The following HERC2 variants were observed in gnomAD, a reference collection of about 807,000 sequenced individuals.
HERC2 encodes the protein E3 ubiquitin-protein ligase HERC2.
A neutral mutation model predicts 537.7 loss-of-function variants in HERC2; 102 were observed. The ratio of observed to expected loss-of-function variants is 0.19; its 90% CI spans 0.16 to 0.22. HERC2 has a LOEUF of 0.22. Ranked by LOEUF, HERC2 falls within the 10% of genes least tolerant of loss-of-function variation. The probability of loss-of-function intolerance (pLI) is 1.00; values close to 1 mark genes in which losing one functional copy is unlikely to be tolerated. For synonymous variants in HERC2, 2,224 were observed against 2,466.2 expected (o/e 0.90, Z 2.91); for missense variants, 4,236 against 6,198.2 (o/e 0.68, Z 10.63).
intron 48 of HERC2, among the ~76,000 whole-genome samples, chr15:28,199,964 G>C (rs573725697): frequency 2.6e-5 from 4 of 152,254 alleles, no homozygotes; most frequent in South Asian, 4.1e-4. Context: ...ATGAATGTTT[G>C]TGTCCCCCCC....
At chr15:28,179,751 T>G (rs922485980) in intron 57 of HERC2, among the ~76,000 whole-genome samples, 2 of 152,200 alleles carry the variant, frequency 1.3e-5, no homozygotes, top group East Asian at 3.8e-4. Flanking sequence ...TGATCCTAGC[T>G]AGGCTAATGT....
rs372376197 is a variant in HERC2 at position 28,299,393 on chromosome 15, G to A, written c.187+9C>T. The A allele has an allele frequency of 1.8e-5, 23 of 1,293,206 alleles. No homozygotes were observed. The highest frequency in any genetic ancestry group is 2.4e-5 in the Non-Finnish European group (22 of 898,226). The allele number at this position is 1,293,206 out of a possible 1,614,324, so 80.1% of individuals were successfully genotyped here. ...TACCAAATAAAAAACACTAGTTAAA[G>A]GCCCTTACCTTTTCTAGGAGGGAGC... is the stretch of plus-strand genomic sequence containing the variant. On this transcript the variant is annotated intron_variant, in intron 3 of 92. Coordinates refer to ENST00000261609, the MANE Select transcript of HERC2 (RefSeq NM_004667.6).
At chr15:28,292,389 C>T (rs2076341515) in intron 4 of HERC2, among the ~76,000 whole-genome samples, 4 of 152,136 alleles carry the variant, frequency 2.6e-5, no homozygotes. Flanking sequence ...CCTACTCACA[C>T]AAATTAGGAT....
In HERC2 at chr15:28,168,545, C is replaced by T. The variant is rs776822435; in HGVS notation, c.10275G>A (p.Pro3425=). The change falls in exon 67 of 93, where the codon CCG becomes CCA. Residue 3425 remains proline, a synonymous_variant. Transcript: ENST00000261609. ...GALMPAAMIA[P]VECPSFSSAA... ...CCGAGGAGAACGAGGGGCACTCCAC[C>T]GGGGCGATCATGGCGGCCGGCATCA... 5.0e-6 allele frequency: 8 copies of T among 1,614,182 alleles called. No homozygotes were observed. Among genetic ancestry groups the T allele is most frequent in the East Asian group, 2.2e-5 (1 of 44,882 alleles).
At chr15:28,299,911 G>C (rs1303775168) in intron 2 of HERC2, among the ~76,000 whole-genome samples, 1 of 151,968 alleles carries the variant, frequency 6.6e-6, no homozygotes, top group Non-Finnish European at 1.5e-5. Flanking sequence ...AAATTAGCCA[G>C]GCGTGGTGGC....
intron 2 of HERC2, among the ~76,000 whole-genome samples, chr15:28,310,216 C>T (rs1433272711): frequency 6.6e-6 from 1 of 152,186 alleles, no homozygotes; most frequent in African/African-American, 2.4e-5. Context: ...GAGGCCAAGG[C>T]AGGTGAATTG....
intron 69 of HERC2, among the ~76,000 whole-genome samples, chr15:28,153,338 A>G (rs1892651260): frequency 6.6e-6 from 1 of 151,452 alleles, no homozygotes. Context: ...GGGTGACCCG[A>G]GCGAGACTGC....
At chr15:28,151,195 A>T (rs1892410628) in intron 70 of HERC2, among the ~76,000 whole-genome samples, 1 of 152,234 alleles carries the variant, frequency 6.6e-6, no homozygotes, top group African/African-American at 2.4e-5. Flanking sequence ...AGCAAATGAA[A>T]AATCATGAGA....
At chr15:28,281,939 G>A (rs1483030776) in intron 4 of HERC2, among the ~76,000 whole-genome samples, 1 of 152,132 alleles carries the variant, frequency 6.6e-6, no homozygotes, top group Admixed American at 6.5e-5. Context: ...AAAGCTCCAA[G>A]AGGGCAGCTC....
chr15:28,247,451 C>T (rs866552772), intron 21 of HERC2, among the ~76,000 whole-genome samples: 10 of 117,602 alleles, frequency 8.5e-5, no homozygotes, highest in African/African-American at 3.1e-4. Context: ...TTTTTGAGAC[C>T]GAGTTTCACT....
At chr15:28,301,081 G>A (rs1421906370) in intron 2 of HERC2, among the ~76,000 whole-genome samples, 1 of 151,778 alleles carries the variant, frequency 6.6e-6, no homozygotes, top group Admixed American at 6.6e-5. Flanking sequence ...AAGGGCCAGG[G>A]CAGACAAAGA....
chr15:28,114,042 G>A (rs1887952511), intron 90 of HERC2, among the ~76,000 whole-genome samples: 1 of 152,182 alleles, frequency 6.6e-6, no homozygotes, highest in Non-Finnish European at 1.5e-5. Flanking sequence ...CACGATACGG[G>A]GGACAGCACC....
intron 76 of HERC2, 64 bp from the exon 77 acceptor site, chr15:28,141,910 A>T: frequency 1.6e-6 from 2 of 1,221,114 alleles, no homozygotes; most frequent in Non-Finnish European, 2.4e-6. Flanking sequence ...GATAAATACT[A>T]AGGAAAGACA....
chr15:28,184,703 T>C (rs1470997497), intron 56 of HERC2, among the ~76,000 whole-genome samples: 1 of 151,062 alleles, frequency 6.6e-6, no homozygotes, highest in Non-Finnish European at 1.5e-5. Context: ...CTACTAAAAA[T>C]ACAAAAAAAT....
chr15:28,255,181 C>A (rs928456579), intron 19 of HERC2, among the ~76,000 whole-genome samples: 1 of 152,040 alleles, frequency 6.6e-6, no homozygotes, highest in African/African-American at 2.4e-5. Context: ...ACAAAAAAAT[C>A]ACAAAACTAG....
At chr15:28,317,098 T>C (rs1406631250) in intron 2 of HERC2, among the ~76,000 whole-genome samples, 14 of 147,660 alleles carry the variant, frequency 9.5e-5, no homozygotes, top group African/African-American at 2.5e-5. Context: ...GAAGTGACAA[T>C]TTTTTTTTTT....
chr15:28,297,761 G>A (rs1394606561), intron 3 of HERC2, among the ~76,000 whole-genome samples: 15 of 151,944 alleles, frequency 9.9e-5, no homozygotes, highest in Non-Finnish European at 2.2e-4. Flanking sequence ...AAAGATGTGG[G>A]TTACATGGGT....
chr15:28,226,075 A>G (rs1223775608), intron 35 of HERC2, among the ~76,000 whole-genome samples: 4 of 152,250 alleles, frequency 2.6e-5, no homozygotes, highest in Non-Finnish European at 4.4e-5. Flanking sequence ...AGTTCATTCT[A>G]TGAGGCCATT....
At chr15:28,248,495 C>G in intron 21 of HERC2, 57 bp downstream of exon 21, 1 of 1,368,218 alleles carries the variant, frequency 7.3e-7, no homozygotes, top group Non-Finnish European at 1.0e-6. Flanking sequence ...CGTCGAAAAG[C>G]CTAAAGTAAC....
Sources: gnomAD v4.1 joint callset for allele counts (sites outside exome capture counted in the v4.1 genomes callset) on GRCh38, gnomAD v4.1.1 for gene constraint, MANE v1.5 for transcripts, NCBI Gene and HGNC (gene_info 2026-07-23, HGNC 2026-07-21) for gene names.